The following SERINC4 variants were observed in gnomAD, a reference collection of about 807,000 sequenced individuals.
The protein encoded by SERINC4 is serine incorporator 4.
A neutral mutation model predicts 52.0 loss-of-function variants in SERINC4; 52 were observed. The ratio of observed to expected loss-of-function variants is 1.00; its 90% CI spans 0.80 to 1.26. The LOEUF (loss-of-function observed/expected upper bound fraction) is 1.26, where lower values mean the gene tolerates loss of function less well. SERINC4 is among the 50% of genes most tolerant of loss of function. SERINC4 has a pLI of 0.00. For synonymous variants in SERINC4, 264 were observed against 247.7 expected, an observed-to-expected ratio of 1.07 and a Z score of -0.62; for missense variants, 723 against 632.8, an observed-to-expected ratio of 1.14 and a Z score of -1.53.
Position 43,799,956 on chromosome 15 carries a change from C to CG in SERINC4, c.30dup (p.Gly11ArgfsTer40). 1 of 1,547,686 alleles carries CG rather than the reference C, an allele frequency of 6.5e-7. No homozygotes were observed. The highest frequency in any genetic ancestry group is 8.7e-7 in the Non-Finnish European group (1 of 1,145,982). The stretch of plus-strand genomic sequence containing the variant: ...TGCTGTGCCAGGCCCAGGGAGGTGC[C>CG]GGGGCTGGGGCCGGCCTTGGCACCC... On this transcript the variant is annotated frameshift_variant, in exon 1 of 12. Transcript: ENST00000319327. LOFTEE classifies it high-confidence loss of function.
At chr15:43,799,521 A>C in intron 1 of SERINC4, 35 bp from the exon 2 acceptor site, 1 of 1,550,620 alleles carries the variant, frequency 6.4e-7, no homozygotes, top group South Asian at 1.2e-5. Flanking sequence ...AGCGAGGTGG[A>C]GACTTGCTGA....
At chr15:43,797,516 C>T in intron 5 of SERINC4, 160 bp from the exon 6 acceptor site, 1 of 602,764 alleles carries the variant, frequency 1.7e-6, no homozygotes, top group South Asian at 2.0e-5. Context: ...CCTCAGCCTC[C>T]TGAGTAGCTG....
At position 43,799,102 on chromosome 15, in the gene SERINC4, A is replaced by G. The variant is rs1211652047; in HGVS notation, c.315T>C (p.Phe105=). The part of the protein sequence containing the change: ...QMPSGLCAHL[F]GLSDCPVLSG... The stretch of plus-strand genomic sequence containing the variant: ...TGAGCACTGGACAGTCAGAGAGGCC[A>G]AACAGGTGGGCACACAACCCCGAGG... The change falls in exon 3 of 12, where the codon TTT becomes TTC. Residue 105 remains phenylalanine (F), a synonymous_variant. Transcript: ENST00000319327. The G allele has an allele frequency of 1.3e-6, 2 of 1,550,460 alleles. No homozygotes were observed. The highest frequency in any genetic ancestry group is 4.9e-5 in the East Asian group (2 of 40,906).
chr15:43,799,882 C>A lies in SERINC4; in HGVS notation c.102+3G>T. ...GGCCACTCTCCCCTTCGCACCCTCTCACCTGACAGAAGGGACTTTTCACTA... is the reference window on the plus strand; with the variant it reads ...GGCCACTCTCCCCTTCGCACCCTCTAACCTGACAGAAGGGACTTTTCACTA... On this transcript the variant is annotated splice_donor_region_variant and intron_variant, in intron 1 of 11. Coordinates refer to ENST00000319327, the MANE Select transcript of SERINC4 (RefSeq NM_001258031.2). 6.5e-7 allele frequency: 1 copy of A among 1,544,610 alleles called. No individual in the cohort carries two copies.
chr15:43,799,098 G>C lies in SERINC4; in HGVS notation c.319C>G (p.Leu107Val). 6.4e-7 allele frequency: 1 copy of C among 1,550,514 alleles called. No homozygotes were observed. Among genetic ancestry groups the C allele is most frequent in the Non-Finnish European group, 8.7e-7 (1 of 1,146,920 alleles). ...PSGLCAHLFG[L>V]SDCPVLSGSG... The stretch of plus-strand genomic sequence containing the variant: ...CCACTGAGCACTGGACAGTCAGAGA[G>C]GCCAAACAGGTGGGCACACAACCCC... The change falls in exon 3 of 12, where the codon CTC becomes GTC. Residue 107 changes from leucine to valine, a missense_variant. Leu to Val is a conservative substitution (Grantham distance 32). Coordinates refer to ENST00000319327, the MANE Select transcript of SERINC4 (RefSeq NM_001258031.2).
At position 43,796,149 on chromosome 15, in the gene SERINC4, C is replaced by G; in HGVS notation, c.1140+6G>C. ...GTGTTGGGGATATGGAGCTCTTTATCCTCACCTGAAACTCATAGCTGTAAA... is the reference window on the plus strand; with the variant it reads ...GTGTTGGGGATATGGAGCTCTTTATGCTCACCTGAAACTCATAGCTGTAAA... On this transcript the variant is annotated splice_donor_region_variant and intron_variant, in intron 9 of 11. Transcript: ENST00000319327. 1 of 1,609,064 alleles carries G rather than the reference C, an allele frequency of 6.2e-7. No individual in the cohort carries two copies.
rs17580062 is a variant in SERINC4 at position 43,795,250 on chromosome 15, G to A, written c.1344-37C>T. On this transcript the variant is annotated intron_variant, in intron 11 of 11. Coordinates refer to ENST00000319327, the MANE Select transcript of SERINC4 (RefSeq NM_001258031.2). ...AAGGCTCTGGTTAGAGAATATGAAG[G>A]GCCTTAGCTTTTAGACCTGTTCTAC... The A allele has an allele frequency of 7.1e-3, 11,416 of 1,606,458 alleles. 42 individuals are homozygous for A. Among genetic ancestry groups the A allele is most frequent in the Non-Finnish European group, 8.4e-3 (9,907 of 1,173,240 alleles).
intron 6 of SERINC4, 41 bp downstream of exon 6, chr15:43,797,104 A>G (rs901721023): frequency 2.0e-6 from 3 of 1,524,402 alleles, no homozygotes; most frequent in Non-Finnish European, 2.7e-6. Flanking sequence ...CTATGCTTTT[A>G]AGGCCCCCAA....
chr15:43,795,171 G>C lies in SERINC4; in HGVS notation c.1386C>G (p.Ser462Arg). The C allele has an allele frequency of 6.2e-7, 1 of 1,614,164 alleles. No individual in the cohort carries two copies. The highest frequency in any genetic ancestry group is 1.1e-5 in the South Asian group (1 of 91,086). ...AELEKTFIKG[S>R]WATFWVKVAS... The stretch of plus-strand genomic sequence containing the variant: ...CAACCTTGACCCAGAAGGTGGCCCA[G>C]CTACCCTTGATGAAGGTCTTTTCCA... Residue 462 changes from serine to arginine, a missense_variant, in exon 12 of 12, where the codon AGC becomes AGG. By Grantham distance (110) the Ser-to-Arg change is moderately radical. Coordinates refer to ENST00000319327, the MANE Select transcript of SERINC4 (RefSeq NM_001258031.2).
Position 43,797,963 on chromosome 15 carries a change from A to C in SERINC4, c.589T>G (p.Leu197Val), listed in dbSNP as rs755022892. Residue 197 changes from leucine to valine, a missense_variant, in exon 5 of 12, where the codon TTG becomes GTG. Leu to Val is a conservative substitution (Grantham distance 32, BLOSUM62 1). Coordinates refer to ENST00000319327, the MANE Select transcript of SERINC4 (RefSeq NM_001258031.2). ...TGGGCAAAAGCTGTAATAAGCACCA[A>C]CTGCAGTAGGATGAATGCAAAGCCT... is the stretch of plus-strand genomic sequence containing the variant. ...CGGFAFILLQLVLITAFAHSW... is the reference protein window; with the variant it reads ...CGGFAFILLQVVLITAFAHSW... 6.2e-7 allele frequency: 1 copy of C among 1,613,958 alleles called. No individual in the cohort carries two copies. Among genetic ancestry groups the C allele is most frequent in the Non-Finnish European group, 8.5e-7 (1 of 1,179,880 alleles).
In SERINC4 at chr15:43,794,172, A is replaced by T; in HGVS notation, c.*828T>A. 1.8e-6 allele frequency: 1 copy of T among 555,466 alleles called. No homozygotes were observed. Among genetic ancestry groups the T allele is most frequent in the Non-Finnish European group, 3.1e-6 (1 of 317,748 alleles). 34.4% of individuals were successfully genotyped at this position (555,466 alleles called of 1,614,324 possible). On this transcript the variant is annotated 3_prime_UTR_variant, in exon 12 of 12. Transcript: ENST00000319327. ...GGTATGTAGACTTAATAAGTGAAACATCACAGAAGAAGCCTTTATTATACA... is the reference window on the plus strand; with the variant it reads ...GGTATGTAGACTTAATAAGTGAAACTTCACAGAAGAAGCCTTTATTATACA...
At position 43,794,504 on chromosome 15, in the gene SERINC4, T is replaced by C. The variant is rs1032951372; in HGVS notation, c.*496A>G. 1.2e-5 allele frequency: 2 copies of C among 160,746 alleles called. No individual in the cohort carries two copies. The highest frequency in any genetic ancestry group is 4.8e-5 in the African/African-American group (2 of 41,638). 10.0% of individuals were successfully genotyped at this position (160,746 alleles called of 1,614,324 possible). On this transcript the variant is annotated 3_prime_UTR_variant, in exon 12 of 12. Coordinates refer to ENST00000319327, the MANE Select transcript of SERINC4 (RefSeq NM_001258031.2). ...ATGAGGGTGGTTTTGTCTTCCCGCTTCCCTTGACCTCAAAATCAGGATTAA... is the reference window on the plus strand; with the variant it reads ...ATGAGGGTGGTTTTGTCTTCCCGCTCCCCTTGACCTCAAAATCAGGATTAA...
At position 43,794,875 on chromosome 15, in the gene SERINC4, T is replaced by C. The variant is rs930808404; in HGVS notation, c.*125A>G. ...TGACCACTTCTTCCAGTTCATAGTA[T>C]TGACTTCAGCCCAAACGGAGATAAC... On this transcript the variant is annotated 3_prime_UTR_variant, in exon 12 of 12. Transcript: ENST00000319327. The C allele has an allele frequency of 2.7e-6, 2 of 740,162 alleles. No individual in the cohort carries two copies. The highest frequency in any genetic ancestry group is 3.5e-5 in the African/African-American group (2 of 57,246). 45.8% of individuals were successfully genotyped at this position (740,162 alleles called of 1,614,324 possible). A position where few individuals can be genotyped will look rare whatever the true frequency, so the allele number is the denominator to read the frequency against.
chr15:43,798,871 C>G, intron 3 of SERINC4, 88 bp downstream of exon 3: 1 of 1,302,074 alleles, frequency 7.7e-7, no homozygotes, highest in Non-Finnish European at 1.1e-6. Flanking sequence ...TTTTACAGTG[C>G]TATTACTTCA....
chr15:43,799,404 A>C lies in SERINC4; in HGVS notation c.185T>G (p.Leu62Arg). ...CCCCACATGGAGGAGGATGTAGAAC[A>C]GGCGGCTGCAAGTGGATGCGGTGAG... The part of the protein sequence containing the change: ...PSLTASTCSR[L>R]FYILLHVGAS... Residue 62 changes from leucine (L) to arginine (R), a missense_variant, in exon 2 of 12, where the codon CTG becomes CGG. Coordinates refer to ENST00000319327, the MANE Select transcript of SERINC4 (RefSeq NM_001258031.2). The C allele has an allele frequency of 6.4e-7, 1 of 1,550,958 alleles. No homozygotes were observed. The highest frequency in any genetic ancestry group is 8.7e-7 in the Non-Finnish European group (1 of 1,147,068).
At chr15:43,799,239 G>C (rs2087271677) in intron 2 of SERINC4, 71 bp downstream of exon 2, 3 of 1,516,040 alleles carry the variant, frequency 2.0e-6, no homozygotes, top group Non-Finnish European at 2.7e-6. Flanking sequence ...GCCCCCAACC[G>C]AAACCTTTTC....
chr15:43,795,942 G>T (rs2087205475), intron 9 of SERINC4: 4 of 644,750 alleles, frequency 6.2e-6, no homozygotes, highest in Non-Finnish European at 1.1e-5. Flanking sequence ...TTGTAAAATG[G>T]AGCAAATACC....
Position 43,800,041 on chromosome 15 carries a change from C to T in SERINC4, c.-55G>A, listed in dbSNP as rs911601852. On this transcript the variant is annotated 5_prime_UTR_variant, in exon 1 of 12. Transcript: ENST00000319327. The stretch of plus-strand genomic sequence containing the variant: ...CCAGATGGAAGGCAGATGAGAGCAG[C>T]AGTTGCTTCTGTCCTCAGCCCATTG... 7 of 1,325,426 alleles carry T rather than the reference C, an allele frequency of 5.3e-6. No homozygotes were observed. The South Asian group carries it at 7.3e-5, about 14-fold the overall frequency. The allele number at this position is 1,325,426 out of a possible 1,614,324, so 82.1% of individuals were successfully genotyped here.
chr15:43,798,825 A>T, intron 3 of SERINC4, 134 bp downstream of exon 3: 2 of 891,898 alleles, frequency 2.2e-6, no homozygotes, highest in Non-Finnish European at 1.8e-6. Flanking sequence ...CACAGCAAGT[A>T]CACGAGAAGC....
Sources: gnomAD v4.1 joint callset for allele counts on GRCh38, gnomAD v4.1.1 for gene constraint, MANE v1.5 for transcripts, NCBI Gene and HGNC (gene_info 2026-07-23, HGNC 2026-07-21) for gene names.